POU6F2: variants seen among roughly 807,000 people sequenced by gnomAD.
The protein encoded by POU6F2 is POU domain, class 6, transcription factor 2.
A neutral mutation model predicts 71.3 loss-of-function variants in POU6F2; 31 were observed. The ratio of observed to expected loss-of-function variants is 0.43; its 90% CI spans 0.33 to 0.59. The LOEUF is 0.59. Among genes scored for constraint, POU6F2 ranks in the 20% least tolerant of loss-of-function variants. The probability of loss-of-function intolerance (pLI) is 0.04; values close to 1 mark genes in which losing one functional copy is unlikely to be tolerated. For synonymous variants in POU6F2, 347 were observed against 355.7 expected, an observed-to-expected ratio of 0.98 and a Z score of 0.27; for missense variants, 783 against 856.8, an observed-to-expected ratio of 0.91 and a Z score of 1.07.
intron 1 of POU6F2, among the ~76,000 whole-genome samples, chr7:38,994,291 T>C (rs1788681113): frequency 6.6e-6 from 1 of 151,652 alleles, no homozygotes; most frequent in South Asian, 2.1e-4. Flanking sequence ...TGTTGTGTCA[T>C]GGTGGTATAA....
At chr7:39,276,194 C>T (rs1784434885) in intron 4 of POU6F2, among the ~76,000 whole-genome samples, 1 of 150,992 alleles carries the variant, frequency 6.6e-6, no homozygotes, top group African/African-American at 2.4e-5. Flanking sequence ...TGAACTCAAA[C>T]AAATTTACAA....
chr7:39,297,196 TACACACACACACACACAC>T (rs61192418), intron 4 of POU6F2, among the ~76,000 whole-genome samples: 5 of 139,112 alleles, frequency 3.6e-5, no homozygotes, highest in Admixed American at 2.9e-4. Context: ...CACATACACA[TACACACACACACACACAC>T]ACACACACAC....
At chr7:39,387,562 C>T (rs539598380) in intron 5 of POU6F2, among the ~76,000 whole-genome samples, 10 of 152,292 alleles carry the variant, frequency 6.6e-5, no homozygotes, top group African/African-American at 2.2e-4. Flanking sequence ...CAAGTTAGTA[C>T]GTCAGGTGCG....
intron 2 of POU6F2, among the ~76,000 whole-genome samples, chr7:39,094,675 G>A (rs891961117): frequency 2.0e-5 from 3 of 152,040 alleles, no homozygotes; most frequent in Non-Finnish European, 2.9e-5. Flanking sequence ...GATTTGGGGT[G>A]ACTTCCTGCA....
intron 1 of POU6F2, among the ~76,000 whole-genome samples, chr7:38,989,518 C>A (rs1788546845): frequency 6.6e-6 from 1 of 151,856 alleles, no homozygotes; most frequent in Non-Finnish European, 1.5e-5. Context: ...GAAATCACAC[C>A]TTTTCATGAT....
At chr7:38,999,733 A>C (rs550043803) in intron 1 of POU6F2, among the ~76,000 whole-genome samples, 6 of 152,212 alleles carry the variant, frequency 3.9e-5, no homozygotes, top group Non-Finnish European at 8.8e-5. Context: ...TGCTGTGCTT[A>C]ATAGTCTTTT....
At chr7:39,304,380 A>G (rs1235297004) in intron 4 of POU6F2, among the ~76,000 whole-genome samples, 1 of 152,176 alleles carries the variant, frequency 6.6e-6, no homozygotes, top group Non-Finnish European at 1.5e-5. Flanking sequence ...TGTCTCTTGG[A>G]CGTCTGAACA....
At chr7:39,086,380 G>A (rs748773179) in intron 2 of POU6F2, among the ~76,000 whole-genome samples, 2 of 152,082 alleles carry the variant, frequency 1.3e-5, no homozygotes, top group East Asian at 1.9e-4. Context: ...ATATCGACTC[G>A]GTTTCAGGTT....
chr7:39,068,506 T>TATAA (rs1249945435), intron 1 of POU6F2, among the ~76,000 whole-genome samples: 1 of 151,592 alleles, frequency 6.6e-6, no homozygotes, highest in Admixed American at 6.6e-5. Flanking sequence ...TATATATATA[T>TATAA]AATTTTCATA....
At chr7:39,296,106 T>C (rs1001276741) in intron 4 of POU6F2, among the ~76,000 whole-genome samples, 1 of 152,232 alleles carries the variant, frequency 6.6e-6, no homozygotes, top group East Asian at 1.9e-4. Flanking sequence ...ATTAAGCTTA[T>C]AGTATTCTAG....
chr7:39,219,833 A>G (rs1794312908), intron 4 of POU6F2, among the ~76,000 whole-genome samples: 1 of 152,200 alleles, frequency 6.6e-6, no homozygotes, highest in Non-Finnish European at 1.5e-5. Flanking sequence ...GTGTGGCATT[A>G]TTTTAGAAAT....
intron 2 of POU6F2, among the ~76,000 whole-genome samples, chr7:39,161,590 T>C (rs1792998768): frequency 6.6e-6 from 1 of 152,140 alleles, no homozygotes; most frequent in Admixed American, 6.5e-5. Context: ...GTAGCTGACT[T>C]CGGAACGGCC....
At chr7:39,422,002 C>T (rs1250536017) in intron 6 of POU6F2, among the ~76,000 whole-genome samples, 2 of 152,208 alleles carry the variant, frequency 1.3e-5, no homozygotes, top group African/African-American at 4.8e-5. Context: ...GTTGGTCTTT[C>T]CGCAAAATGA....
intron 2 of POU6F2, among the ~76,000 whole-genome samples, chr7:39,172,690 G>C (rs1253728795): frequency 1.3e-5 from 2 of 150,692 alleles, no homozygotes; most frequent in Non-Finnish European, 2.9e-5. Context: ...GTGTGACCTT[G>C]ACTCACTGCA....
At chr7:39,085,489 G>A (rs1396192149) in intron 1 of POU6F2, among the ~76,000 whole-genome samples, 2 of 151,654 alleles carry the variant, frequency 1.3e-5, no homozygotes, top group Non-Finnish European at 2.9e-5. Context: ...TTTTCTTACT[G>A]CATTAAAGAC....
chr7:39,081,290 G>A (rs1028472652), intron 1 of POU6F2, among the ~76,000 whole-genome samples: 1 of 152,088 alleles, frequency 6.6e-6, no homozygotes, highest in African/African-American at 2.4e-5. Context: ...ACAGATAATC[G>A]AACCTTGCCC....
intron 7 of POU6F2, among the ~76,000 whole-genome samples, chr7:39,442,461 T>G (rs1156973131): frequency 1.3e-5 from 2 of 152,196 alleles, no homozygotes; most frequent in Non-Finnish European, 2.9e-5. Flanking sequence ...GTCTTCTCAC[T>G]CAAAATCTAA....
At chr7:39,376,541 C>T (rs891785710) in intron 5 of POU6F2, among the ~76,000 whole-genome samples, 3 of 152,186 alleles carry the variant, frequency 2.0e-5, no homozygotes, top group Non-Finnish European at 4.4e-5. Flanking sequence ...CAGTCTGGAA[C>T]TGACACCTGG....
At chr7:39,034,106 T>C (rs1790007710) in intron 1 of POU6F2, among the ~76,000 whole-genome samples, 1 of 152,356 alleles carries the variant, frequency 6.6e-6, no homozygotes, top group Non-Finnish European at 1.5e-5. Context: ...TATTGAAGTA[T>C]GCATCATAAT....
Sources: allele counts gnomAD v4.1 joint callset (sites outside exome capture counted in the v4.1 genomes callset), GRCh38; gene constraint gnomAD v4.1.1; transcripts MANE v1.5; gene names NCBI Gene and HGNC (gene_info 2026-07-23, HGNC 2026-07-21).